PSMG3: variants seen among roughly 807,000 people sequenced by gnomAD.
PSMG3 encodes proteasome assembly chaperone 3.
PSMG3 carries 4 observed loss-of-function variants against 7.9 expected under a neutral mutation model. The ratio of observed to expected loss-of-function variants is 0.51; its 90% confidence interval spans 0.25 to 1.16. The LOEUF (loss-of-function observed/expected upper bound fraction) is 1.16. Ranked by LOEUF, PSMG3 falls within the 50% of genes most tolerant of loss-of-function variation. The pLI, the probability that PSMG3 is intolerant of heterozygous loss-of-function variation, is 0.15. For synonymous variants in PSMG3, 81 were observed against 69.8 expected (o/e 1.16, Z -0.80); for missense variants, 151 against 157.4 (o/e 0.96, Z 0.22).
In PSMG3 at chr7:1,567,481, G is replaced by A. The variant is rs1778795156; in HGVS notation, c.*217C>T. On this transcript the variant is annotated 3_prime_UTR_variant, in exon 2 of 2. Transcript: ENST00000288607. ...TCAGGTCCTGGTGAGAACCATTCAC[G>A]ACTCCTCCGGGACCTGTTCCACCCT... is the stretch of plus-strand genomic sequence containing the variant. 7 of 447,046 alleles carry A rather than the reference G, an allele frequency of 1.6e-5. No individual in the cohort carries two copies. Among genetic ancestry groups the A allele is most frequent in the East Asian group, 3.6e-5 (1 of 27,966 alleles). The allele number at this position is 447,046 out of a possible 1,614,324, so 27.7% of individuals were successfully genotyped here. A position where few individuals can be genotyped will look rare whatever the true frequency, so the allele number is the denominator to read the frequency against.
chr7:1,568,069 C>T (rs1339459559), intron 1 of PSMG3, among the ~76,000 whole-genome samples: 4 of 152,050 alleles, frequency 2.6e-5, no homozygotes, highest in African/African-American at 7.2e-5. Flanking sequence ...ATTTTCCCAG[C>T]GCCTTCCGCA....
At chr7:1,568,338 C>T (rs755587440) in intron 1 of PSMG3, among the ~76,000 whole-genome samples, 3 of 151,956 alleles carry the variant, frequency 2.0e-5, no homozygotes, top group Non-Finnish European at 4.4e-5. Context: ...CACAAATGCC[C>T]GGAAAATGCT....
chr7:1,567,683 G>C lies in PSMG3; in HGVS notation c.*15C>G. ...CACGTGTCCTGCTGAGCAGCGCGGG[G>C]CGGCTGCCTCCAGGTCACCACACCT... On this transcript the variant is annotated 3_prime_UTR_variant, in exon 2 of 2. Transcript: ENST00000288607. 6.2e-7 allele frequency: 1 copy of C among 1,612,058 alleles called. No homozygotes were observed. Among genetic ancestry groups the C allele is most frequent in the Non-Finnish European group, 8.5e-7 (1 of 1,179,006 alleles).
rs560230042 is a variant in PSMG3, at chr7:1,567,936, C to A, written c.217-86G>T. 43 of 1,365,934 alleles carry A rather than the reference C, an allele frequency of 3.1e-5. No individual in the cohort carries two copies. The East Asian group carries it at 1.0e-3, about 32-fold the overall frequency. 84.6% of individuals were successfully genotyped at this position (1,365,934 alleles called of 1,614,324 possible). ...CTTTCATGAAGTATCCCTTAGGAAC[C>A]CAGGCAGGCTTCCCACACCACCATT... On this transcript the variant is annotated intron_variant, in intron 1 of 1. Transcript: ENST00000288607.
rs987627523 is a variant in PSMG3 at position 1,569,505 on chromosome 7, T to G, written c.-166A>C. ...AGAAGGGGCCAGGCGCGGTGGCTCATGCCTGTCATCCCGGCACTTTGGGAG... is the reference window on the plus strand; with the variant it reads ...AGAAGGGGCCAGGCGCGGTGGCTCAGGCCTGTCATCCCGGCACTTTGGGAG... On this transcript the variant is annotated 5_prime_UTR_variant, in exon 1 of 2. An upstream start codon of the reference 5' UTR is lost. Transcript: ENST00000288607. 1 of 593,094 alleles carries G rather than the reference T, an allele frequency of 1.7e-6. No individual in the cohort carries two copies. Among genetic ancestry groups the G allele is most frequent in the Admixed American group, 3.3e-5 (1 of 30,724 alleles). 36.7% of individuals were successfully genotyped at this position (593,094 alleles called of 1,614,324 possible).
rs1778834252 is a variant in PSMG3, at chr7:1,569,307, C to A, written c.33G>T (p.Gln11His). The A allele has an allele frequency of 6.2e-7, 1 of 1,611,402 alleles. No individual in the cohort carries two copies. Among genetic ancestry groups the A allele is most frequent in the Non-Finnish European group, 8.5e-7 (1 of 1,179,216 alleles). The change falls in exon 1 of 2, where the codon CAG becomes CAT. Residue 11 changes from glutamine (Q) to histidine (H), a missense_variant. Gln to His is a conservative substitution (Grantham distance 24). Coordinates refer to ENST00000288607, the MANE Select transcript of PSMG3 (RefSeq NM_032302.4). ...GGACCCCGCACACCACCTCCGTCTT[C>A]TGCTTCGATATCACCAACGGCGTGT... is the stretch of plus-strand genomic sequence containing the variant. The part of the protein sequence containing the change: MEDTPLVISK[Q>H]KTEVVCGVPT...
chr7:1,568,644 C>CT (rs1778817886), intron 1 of PSMG3, among the ~76,000 whole-genome samples: 1 of 150,948 alleles, frequency 6.6e-6, no homozygotes, highest in Admixed American at 6.6e-5. Context: ...TTTTTGTTTC[C>CT]TTTTCTTTTC....
chr7:1,567,873 C>T (rs754290062), intron 1 of PSMG3, 23 bp from the exon 2 acceptor site: 13 of 1,606,118 alleles, frequency 8.1e-6, no homozygotes, highest in Non-Finnish European at 5.1e-6. Flanking sequence ...GGAGAAGAAA[C>T]CATTTTAACT....
intron 1 of PSMG3, 96 bp downstream of exon 1, chr7:1,569,028 T>C (rs1778826078): frequency 9.6e-7 from 1 of 1,040,024 alleles, no homozygotes; most frequent in African/African-American, 1.6e-5. Context: ...CCCAGGCTGG[T>C]TTCAAACTCC....
In PSMG3 at chr7:1,569,764, G is replaced by A. The variant is rs973894412; in HGVS notation, c.-425C>T. On this transcript the variant is annotated 5_prime_UTR_variant, in exon 1 of 2. It adds an upstream start codon to the 5' untranslated region. Transcript: ENST00000288607. ...CGGGCGGTAGAGCGAGACCCTGTCC[G>A]TAAAAAAATAAAACAGAAGCAGGAG... The A allele has an allele frequency of 6.7e-4, 107 of 158,802 alleles. No individual in the cohort carries two copies. The highest frequency in any genetic ancestry group is 2.5e-3 in the African/African-American group (103 of 41,756). 9.8% of individuals were successfully genotyped at this position (158,802 alleles called of 1,614,324 possible).
chr7:1,568,929 T>G (rs1778823327), intron 1 of PSMG3, among the ~76,000 whole-genome samples, 195 bp downstream of exon 1: 1 of 152,208 alleles, frequency 6.6e-6, no homozygotes. Flanking sequence ...ATTACAGGTG[T>G]GAGCCACTGC....
chr7:1,568,534 T>C (rs185881411), intron 1 of PSMG3, among the ~76,000 whole-genome samples: 1 of 151,796 alleles, frequency 6.6e-6, no homozygotes, highest in South Asian at 2.1e-4. Flanking sequence ...GGCACAATCA[T>C]GGCTCACTGC....
Position 1,567,862 on chromosome 7 carries a change from A to G in PSMG3, c.217-12T>C. On this transcript the variant is annotated splice_polypyrimidine_tract_variant and intron_variant, in intron 1 of 1. Coordinates refer to ENST00000288607, the MANE Select transcript of PSMG3 (RefSeq NM_032302.4). ...ACATGGATGAGAGGCTGGTAAAGGA[A>G]GGAGAAGAAACCATTTTAACTGCAA... 1.9e-6 allele frequency: 3 copies of G among 1,611,538 alleles called. No individual in the cohort carries two copies. The highest frequency in any genetic ancestry group is 2.5e-6 in the Non-Finnish European group (3 of 1,179,044).
rs748868987 is a variant in PSMG3 at position 1,569,372 on chromosome 7, G to T, written c.-33C>A. The T allele has an allele frequency of 6.5e-7, 1 of 1,529,050 alleles. No homozygotes were observed. Among genetic ancestry groups the T allele is most frequent in the East Asian group, 2.4e-5 (1 of 41,604 alleles). 94.7% of individuals were successfully genotyped at this position (1,529,050 alleles called of 1,614,324 possible). On this transcript the variant is annotated 5_prime_UTR_variant, in exon 1 of 2. Coordinates refer to ENST00000288607, the MANE Select transcript of PSMG3 (RefSeq NM_032302.4). ...CTCTGCAGTGGCAGCTTTAATTTAG[G>T]TTAAAAAGAAAGGGGAAAAAAAGGA...
At chr7:1,569,088 A>G (rs1051466848) in intron 1 of PSMG3, 36 bp downstream of exon 1, 6 of 1,588,062 alleles carry the variant, frequency 3.8e-6, no homozygotes, top group Non-Finnish European at 5.2e-6. Flanking sequence ...CTAGGGTTAC[A>G]GGCGTGAGCC....
chr7:1,567,920 A>G, intron 1 of PSMG3, 70 bp from the exon 2 acceptor site: 2 of 1,505,146 alleles, frequency 1.3e-6, no homozygotes, highest in African/African-American at 1.4e-5. Context: ...GCTTTCATGA[A>G]GTATCCCTTA....
chr7:1,567,606 T>C lies in PSMG3; in HGVS notation c.*92A>G. ...AAGGGCTAGTGCCAAAGTTCCTCCC[T>C]CCACCGGGGAGGGAGGTGAGACTTG... On this transcript the variant is annotated 3_prime_UTR_variant, in exon 2 of 2. Transcript: ENST00000288607. 1 of 1,343,462 alleles carries C rather than the reference T, an allele frequency of 7.4e-7. No homozygotes were observed. The highest frequency in any genetic ancestry group is 1.0e-6 in the Non-Finnish European group (1 of 985,816). 83.2% of individuals were successfully genotyped at this position (1,343,462 alleles called of 1,614,324 possible). A position where few individuals can be genotyped will look rare whatever the true frequency, so the allele number is the denominator to read the frequency against.
At position 1,567,715 on chromosome 7, in the gene PSMG3, C is replaced by A. The variant is rs1488020494; in HGVS notation, c.352G>T (p.Val118Leu). The change falls in exon 2 of 2, where the codon GTG becomes TTG. Residue 118 changes from valine (V) to leucine (L), a missense_variant. Transcript: ENST00000288607. Reference protein sequence around the residue: ...GLKALREVIRVCQVW With the variant: ...GLKALREVIRLCQVW ...CCTCCAGGTCACCACACCTGGCACA[C>A]CCGGATCACCTCCCTCAGCGCCTTC... The A allele has an allele frequency of 1.9e-6, 3 of 1,613,858 alleles. No individual in the cohort carries two copies. The highest frequency in any genetic ancestry group is 2.5e-6 in the Non-Finnish European group (3 of 1,179,952).
At chr7:1,568,455 T>C (rs1778814670) in intron 1 of PSMG3, among the ~76,000 whole-genome samples, 1 of 146,442 alleles carries the variant, frequency 6.8e-6, no homozygotes, top group South Asian at 2.1e-4. Flanking sequence ...CTGACCACTT[T>C]ATTATTATTA....
Sources: gnomAD v4.1 joint callset for allele counts (sites outside exome capture counted in the v4.1 genomes callset) on GRCh38, gnomAD v4.1.1 for gene constraint, MANE v1.5 for transcripts, NCBI Gene and HGNC (gene_info 2026-07-23, HGNC 2026-07-21) for gene names.